Variants in ITFG2 observed in about 807,000 individuals in gnomAD.
The protein encoded by ITFG2 is KICSTOR complex protein ITFG2.
Under a neutral mutation model 54.4 loss-of-function variants are expected in ITFG2, and 36 were observed. That is an observed-to-expected ratio of 0.66 (90% CI 0.51 to 0.87). The LOEUF (loss-of-function observed/expected upper bound fraction) is 0.87, where lower values mean the gene tolerates loss of function less well. ITFG2 is among the 40% of genes least tolerant of loss of function. The pLI, the probability that ITFG2 is intolerant of heterozygous loss-of-function variation, is 0.00. For missense variants in ITFG2, 524 were observed against 576.7 expected (o/e 0.91, Z 0.94); for synonymous variants, 211 against 225.4 (o/e 0.94, Z 0.57).
intron 2 of ITFG2, chr12:2,857,266 C>G (rs28919877): frequency 9.1e-6 from 5 of 551,988 alleles, no homozygotes; most frequent in Non-Finnish European, 1.6e-5. Context: ...GAGCTGCTGC[C>G]GGGCAGAAGA....
At chr12:2,855,544 G>A (rs983770741) in intron 2 of ITFG2, 4 of 933,750 alleles carry the variant, frequency 4.3e-6, no homozygotes, top group East Asian at 5.8e-5. Flanking sequence ...CACGACCTCT[G>A]CCAGCCCAGG....
intron 2 of ITFG2, chr12:2,830,487 G>A (rs890319676): frequency 4.0e-6 from 2 of 494,032 alleles, no homozygotes; most frequent in Non-Finnish European, 3.6e-6. Context: ...GACCAAGGAA[G>A]GGGGGCAGAG....
chr12:2,821,983 C>T (rs2097946836), intron 9 of ITFG2, among the ~76,000 whole-genome samples, 191 bp downstream of exon 9: 1 of 148,330 alleles, frequency 6.7e-6, no homozygotes, highest in South Asian at 2.1e-4. Context: ...GGCTGGAGTG[C>T]AGTGGCATGA....
downstream of ITFG2, chr12:2,825,505 G>A (rs984764054): frequency 3.3e-5 from 5 of 152,514 alleles, no homozygotes; most frequent in African/African-American, 7.2e-5. Flanking sequence ...CAGTGAGGGC[G>A]AGGAAAGCTT....
intron 2 of ITFG2, chr12:2,857,162 C>T (rs2098090024): frequency 4.4e-6 from 3 of 682,910 alleles, no homozygotes; most frequent in Non-Finnish European, 5.3e-6. Flanking sequence ...GTCCCTGGAG[C>T]CTCTTGTGAC....
chr12:2,844,955 C>T (rs12099884), intron 2 of ITFG2, among the ~76,000 whole-genome samples: 4,623 of 152,258 alleles, frequency 0.03, 211 homozygotes, highest in African/African-American at 0.11. Flanking sequence ...AGCGTGGAGG[C>T]GTTCGTGAGG....
chr12:2,828,096 C>A, downstream of ITFG2: 1 of 1,524,096 alleles, frequency 6.6e-7, no homozygotes, highest in South Asian at 1.2e-5. Flanking sequence ...CTAGAGGGTT[C>A]CACCCCATTA....
At chr12:2,821,641 G>A (rs745966570) in intron 8 of ITFG2, 45 bp downstream of exon 8, 1 of 1,613,560 alleles carries the variant, frequency 6.2e-7, no homozygotes, top group African/African-American at 1.3e-5. Flanking sequence ...TGCCTGTAGG[G>A]TCTGCTCGGG....
chr12:2,844,821 A>G (rs1430956398), intron 2 of ITFG2, among the ~76,000 whole-genome samples: 1 of 152,224 alleles, frequency 6.6e-6, no homozygotes, highest in Non-Finnish European at 1.5e-5. Flanking sequence ...GAACCATGTC[A>G]TGATACCTAG....
intron 1 of ITFG2, among the ~76,000 whole-genome samples, chr12:2,816,219 C>T (rs2097921064): frequency 6.6e-6 from 1 of 151,338 alleles, no homozygotes; most frequent in Admixed American, 6.6e-5. Flanking sequence ...TTAGTACAAA[C>T]GGGGTTTTAC....
chr12:2,859,068 G>A (rs750901706), intron 3 of ITFG2: 1 of 1,607,252 alleles, frequency 6.2e-7, no homozygotes, highest in Non-Finnish European at 8.5e-7. Flanking sequence ...CCAGGATTCA[G>A]GGGTTCTGGG....
chr12:2,840,643 G>A (rs374421216), intron 1 of ITFG2, among the ~76,000 whole-genome samples: 16 of 152,034 alleles, frequency 1.1e-4, no homozygotes, highest in South Asian at 2.1e-4. Flanking sequence ...AAACTTAGCC[G>A]GGCGAGGTGG....
chr12:2,857,356 C>T (rs938383207), intron 2 of ITFG2: 2 of 401,016 alleles, frequency 5.0e-6, no homozygotes, highest in African/African-American at 4.1e-5. Flanking sequence ...GCCCTTCCTG[C>T]CCTAATGTTC....
At chr12:2,818,436 G>A (rs1603482786) in intron 4 of ITFG2, 159 bp downstream of exon 4, 2 of 1,435,280 alleles carry the variant, frequency 1.4e-6, no homozygotes, top group East Asian at 2.5e-5. Flanking sequence ...CAAGGCACTG[G>A]AATTGCCATA....
intron 2 of ITFG2, among the ~76,000 whole-genome samples, chr12:2,846,537 G>A (rs932683784): frequency 2.6e-5 from 4 of 152,010 alleles, no homozygotes; most frequent in South Asian, 2.1e-4. Context: ...GTCACTTCTC[G>A]ACGGGCTTCA....
chr12:2,818,083 T>A lies in ITFG2; in HGVS notation c.235-23T>A, dbSNP rs751233922. 2.5e-6 allele frequency: 4 copies of A among 1,613,182 alleles called. No individual in the cohort carries two copies. In the Admixed American group the frequency reaches 6.7e-5, roughly 27 times the overall value. On this transcript the variant is annotated intron_variant, in intron 3 of 11. Transcript: ENST00000228799. ...CAAAACTCCCTCCCCAGTCCATCTCTACTATACCTCTGTTTGTCCTAGAAC... is the reference window on the plus strand; with the variant it reads ...CAAAACTCCCTCCCCAGTCCATCTCAACTATACCTCTGTTTGTCCTAGAAC...
chr12:2,851,959 G>C (rs375479700), intron 2 of ITFG2, among the ~76,000 whole-genome samples: 1 of 152,212 alleles, frequency 6.6e-6, no homozygotes, highest in Non-Finnish European at 1.5e-5. Context: ...GATTACAGGC[G>C]TGAGCCACCA....
At chr12:2,858,273 G>A (rs1016948912) in exon 3 of ITFG2, 8 of 191,746 alleles carry the variant, frequency 4.2e-5, no homozygotes, top group Middle Eastern at 2.0e-3. Context: ...TTTATAATTA[G>A]AGGATAATTT....
At chr12:2,817,372 G>T in intron 2 of ITFG2, 54 bp downstream of exon 2, 1 of 1,297,844 alleles carries the variant, frequency 7.7e-7, no homozygotes, top group Non-Finnish European at 1.1e-6. Flanking sequence ...TTCTGTCCAG[G>T]GACCACCTAG....
Sources: allele counts gnomAD v4.1 joint callset (sites outside exome capture counted in the v4.1 genomes callset), GRCh38; gene constraint gnomAD v4.1.1; transcripts MANE v1.5; gene names NCBI Gene and HGNC (gene_info 2026-07-23, HGNC 2026-07-21).